Variants in THADA observed in about 807,000 individuals in gnomAD.
THADA encodes tRNA (32-2'-O)-methyltransferase regulator THADA.
Under a neutral mutation model 219.8 loss-of-function variants are expected in THADA, and 213 were observed. That is an observed-to-expected ratio of 0.97 (90% CI 0.87 to 1.09). The LOEUF (loss-of-function observed/expected upper bound fraction) is 1.09, where lower values mean the gene tolerates loss of function less well. Ranked by LOEUF, THADA falls within the 50% of genes least tolerant of loss-of-function variation. THADA has a pLI of 0.00. For synonymous variants in THADA, 1,018 were observed against 828.9 expected, an observed-to-expected ratio of 1.23 and a Z score of -3.92; for missense variants, 2,956 against 2,311.3, an observed-to-expected ratio of 1.28 and a Z score of -5.72.
At chr2:43,515,109 T>C (rs1412403473) in intron 22 of THADA, among the ~76,000 whole-genome samples, 10 of 32,386 alleles carry the variant, frequency 3.1e-4, no homozygotes, top group Non-Finnish European at 4.0e-4. Flanking sequence ...ATATAATATA[T>C]TTTATATATA....
At chr2:43,329,214 G>A (rs971439528) in intron 30 of THADA, among the ~76,000 whole-genome samples, 3 of 152,204 alleles carry the variant, frequency 2.0e-5, no homozygotes, top group African/African-American at 7.2e-5. Flanking sequence ...TGGGAGAAAA[G>A]TAGTATCCAA....
At chr2:43,326,879 G>C (rs887744905) in intron 30 of THADA, among the ~76,000 whole-genome samples, 1 of 152,180 alleles carries the variant, frequency 6.6e-6, no homozygotes, top group African/African-American at 2.4e-5. Context: ...ATCTTCAGAG[G>C]GCTGGAAACT....
intron 30 of THADA, among the ~76,000 whole-genome samples, chr2:43,339,275 A>G (rs1666814580): frequency 6.6e-6 from 1 of 152,206 alleles, no homozygotes; most frequent in Non-Finnish European, 1.5e-5. Flanking sequence ...CACTGCATGC[A>G]TGCATTCATT....
At chr2:43,337,944 A>C (rs1666653101) in intron 30 of THADA, among the ~76,000 whole-genome samples, 1 of 152,178 alleles carries the variant, frequency 6.6e-6, no homozygotes, top group Non-Finnish European at 1.5e-5. Context: ...AACTAGGAAG[A>C]AAAGCAAAGA....
At chr2:43,286,724 TC>T in intron 35 of THADA, among the ~76,000 whole-genome samples, 183 bp downstream of exon 35, 1 of 151,770 alleles carries the variant, frequency 6.6e-6, no homozygotes, top group East Asian at 1.9e-4. Flanking sequence ...AAACTCCGTC[TC>T]AAAAAAAAAG....
intron 26 of THADA, among the ~76,000 whole-genome samples, chr2:43,441,258 C>T (rs1680807996): frequency 6.6e-6 from 1 of 152,150 alleles, no homozygotes; most frequent in Non-Finnish European, 1.5e-5. Context: ...TTCCTCAACA[C>T]AGAAATGTCA....
At chr2:43,427,979 A>T (rs1678707400) in intron 28 of THADA, 121 bp downstream of exon 28, 1 of 466,546 alleles carries the variant, frequency 2.1e-6, no homozygotes, top group South Asian at 9.3e-5. Context: ...ACAAACAAAT[A>T]ATATATATAT....
intron 36 of THADA, among the ~76,000 whole-genome samples, chr2:43,253,208 G>A (rs1669978692): frequency 6.6e-6 from 1 of 152,228 alleles, no homozygotes; most frequent in Non-Finnish European, 1.5e-5. Flanking sequence ...AGGTAGAGAA[G>A]GAGAACCTGA....
chr2:43,455,993 C>T (rs769379126), intron 26 of THADA, among the ~76,000 whole-genome samples: 14 of 152,254 alleles, frequency 9.2e-5, no homozygotes, highest in African/African-American at 1.9e-4. Context: ...TTTGTGCAGA[C>T]GAACTGCTCG....
Position 43,449,158 on chromosome 2 carries a change from C to T in THADA, c.3837-18856G>A, listed in dbSNP as rs146082646. ...TAAAAAGAAACATAAAAATACCTAC[C>T]ACTAAAATGTACAAGAACTGAAGTA... On this transcript the variant is annotated intron_variant, in intron 26 of 37. Transcript: ENST00000405975. 2.9e-4 allele frequency among the ~76,000 whole-genome samples: 44 copies of T among 151,974 alleles called. No individual in the cohort carries two copies. The East Asian group carries it at 7.0e-3, about 24-fold the overall frequency.
At chr2:43,260,863 T>C (rs1318405363) in intron 36 of THADA, among the ~76,000 whole-genome samples, 1 of 152,206 alleles carries the variant, frequency 6.6e-6, no homozygotes, top group East Asian at 1.9e-4. Context: ...GAGTACAAGG[T>C]TTATACCTAT....
intron 26 of THADA, among the ~76,000 whole-genome samples, chr2:43,470,584 A>G (rs75330033): frequency 0.07 from 10,624 of 152,288 alleles, 437 homozygotes; most frequent in Non-Finnish European, 0.098. Context: ...TTAGTAATAT[A>G]CCTTATAAAA....
rs373439594 is a variant in THADA, at chr2:43,516,343, T to C, written c.3375-7563A>G. ...TTCTTACACAATGTCTTAGGCTGTCTAGTCCTCACAACTTCTCTGATCTCA... is the reference window on the plus strand; with the variant it reads ...TTCTTACACAATGTCTTAGGCTGTCCAGTCCTCACAACTTCTCTGATCTCA... On this transcript the variant is annotated intron_variant, in intron 22 of 37. Transcript: ENST00000405975. 9.8e-5 allele frequency among the ~76,000 whole-genome samples: 15 copies of C among 152,286 alleles called. 1 individual carries two copies. The highest frequency in any genetic ancestry group is 3.6e-4 in the African/African-American group (15 of 41,566).
chr2:43,591,122 A>G (rs1300529940), intron 3 of THADA, among the ~76,000 whole-genome samples, 168 bp from the exon 4 acceptor site: 2 of 152,096 alleles, frequency 1.3e-5, no homozygotes, highest in African/African-American at 4.8e-5. Flanking sequence ...GGAGAGTTCG[A>G]GACAAGCTCG....
chr2:43,287,266 G>A (rs1277253413), intron 34 of THADA, among the ~76,000 whole-genome samples: 3 of 152,160 alleles, frequency 2.0e-5, no homozygotes, highest in Non-Finnish European at 2.9e-5. Flanking sequence ...GTAAGATGGA[G>A]TCACTATGAC....
intron 20 of THADA, among the ~76,000 whole-genome samples, chr2:43,546,175 T>G (rs1696005242): frequency 6.6e-6 from 1 of 151,626 alleles, no homozygotes; most frequent in Non-Finnish European, 1.5e-5. Context: ...TCCATGTAGT[T>G]GAGTGGTTTT....
At chr2:43,328,569 AGTGAGAGAC>A (rs1420324060) in intron 30 of THADA, among the ~76,000 whole-genome samples, 1 of 152,220 alleles carries the variant, frequency 6.6e-6, no homozygotes, top group Non-Finnish European at 1.5e-5. Context: ...CCATGCACAA[AGTGAGAGAC>A]CGTGAGCTGT....
chr2:43,541,449 A>C (rs1695299721), intron 20 of THADA, 133 bp from the exon 21 acceptor site: 2 of 978,058 alleles, frequency 2.0e-6, no homozygotes, highest in South Asian at 3.1e-5. Context: ...ATATTTACTC[A>C]GAAGGAAAGA....
intron 36 of THADA, among the ~76,000 whole-genome samples, chr2:43,249,367 G>A (rs1669583666): frequency 6.6e-6 from 1 of 152,198 alleles, no homozygotes; most frequent in Admixed American, 6.5e-5. Context: ...GGTTACAGGT[G>A]TGAATCGTTG....
Sources: allele counts gnomAD v4.1 joint callset (sites outside exome capture counted in the v4.1 genomes callset), GRCh38; gene constraint gnomAD v4.1.1; transcripts MANE v1.5; gene names NCBI Gene and HGNC (gene_info 2026-07-23, HGNC 2026-07-21).